TBC1D1: variants seen among roughly 807,000 people sequenced by gnomAD.
The protein encoded by TBC1D1 is TBC1 domain family member 1, also known as TBC1 (tre-2/USP6, BUB2, cdc16) domain family, member 1.
In TBC1D1, 89 loss-of-function variants were observed where a neutral mutation model predicts 125.6. The observed-to-expected ratio is 0.71, with a 90% CI of 0.60 to 0.85. TBC1D1 has a LOEUF of 0.85. Among genes scored for constraint, TBC1D1 ranks in the 40% least tolerant of loss-of-function variants. The pLI is 0.00. For missense variants in TBC1D1, 1,377 were observed against 1,469.2 expected (o/e 0.94, Z 1.03); for synonymous variants, 565 against 564.1 (o/e 1.00, Z -0.02).
At chr4:38,105,660 A>G (rs1761174921) in intron 15 of TBC1D1, among the ~76,000 whole-genome samples, 1 of 152,152 alleles carries the variant, frequency 6.6e-6, no homozygotes, top group Non-Finnish European at 1.5e-5. Context: ...CCCAGTGTTC[A>G]GCTCTCATTT....
chr4:38,108,457 A>C (rs549955824), intron 15 of TBC1D1, among the ~76,000 whole-genome samples: 6 of 152,240 alleles, frequency 3.9e-5, no homozygotes, highest in Non-Finnish European at 7.3e-5. Context: ...CTATAGTTTT[A>C]TTAATCTGCA....
intron 11 of TBC1D1, chr4:38,051,960 C>G: frequency 6.4e-7 from 1 of 1,550,764 alleles, no homozygotes; most frequent in Non-Finnish European, 8.7e-7. Flanking sequence ...AGCTCCTGCT[C>G]CTCCACCTCG....
At chr4:38,000,747 A>C (rs1285682417) in intron 2 of TBC1D1, among the ~76,000 whole-genome samples, 5 of 152,088 alleles carry the variant, frequency 3.3e-5, no homozygotes, top group African/African-American at 1.2e-4. Context: ...GACACTAACA[A>C]CCTGAAGTTA....
chr4:38,108,001 A>G (rs900972601), intron 15 of TBC1D1, among the ~76,000 whole-genome samples: 1 of 152,226 alleles, frequency 6.6e-6, no homozygotes, highest in African/African-American at 2.4e-5. Flanking sequence ...TCAGCTTAGC[A>G]GATGGTACTC....
chr4:38,117,961 G>T lies in TBC1D1; in HGVS notation c.2803-72G>T, dbSNP rs1763242465. On this transcript the variant is annotated intron_variant, in intron 16 of 19. Transcript: ENST00000261439. ...GTAAGTCTTCTCTTACACCCACCCT[G>T]TGAGCAGTAGGCATAACTTTATTGC... The T allele has an allele frequency of 5.0e-6, 7 of 1,406,700 alleles. No homozygotes were observed. Among genetic ancestry groups the T allele is most frequent in the Non-Finnish European group, 6.0e-6 (6 of 1,006,954 alleles). The allele number at this position is 1,406,700 out of a possible 1,614,324, so 87.1% of individuals were successfully genotyped here.
intron 11 of TBC1D1, among the ~76,000 whole-genome samples, chr4:38,053,674 T>C (rs1311079871): frequency 6.6e-6 from 1 of 152,288 alleles, no homozygotes; most frequent in Non-Finnish European, 1.5e-5. Flanking sequence ...AACTGTATTT[T>C]GTAGTTTAAA....
At chr4:38,077,950 G>C (rs556490803) in intron 12 of TBC1D1, among the ~76,000 whole-genome samples, 2 of 152,252 alleles carry the variant, frequency 1.3e-5, no homozygotes, top group African/African-American at 2.4e-5. Context: ...GTGTTGACAA[G>C]GAAGAAGTCT....
At chr4:37,924,837 G>A in intron 2 of TBC1D1, among the ~76,000 whole-genome samples, 1 of 152,202 alleles carries the variant, frequency 6.6e-6, no homozygotes, top group African/African-American at 2.4e-5. Flanking sequence ...GTGAACATGG[G>A]TGTACAAATA....
At chr4:38,000,205 C>T (rs1738732607) in intron 2 of TBC1D1, among the ~76,000 whole-genome samples, 2 of 152,160 alleles carry the variant, frequency 1.3e-5, no homozygotes, top group Non-Finnish European at 2.9e-5. Context: ...CAAGACATGA[C>T]TCGTGGTGGT....
intron 2 of TBC1D1, among the ~76,000 whole-genome samples, chr4:37,907,121 G>T (rs1204088949): frequency 1.3e-5 from 2 of 152,068 alleles, no homozygotes; most frequent in African/African-American, 4.8e-5. Context: ...AAGATAACTG[G>T]ATTCTCATAG....
At chr4:37,906,115 G>A (rs529454834) in intron 2 of TBC1D1, among the ~76,000 whole-genome samples, 44 of 152,086 alleles carry the variant, frequency 2.9e-4, no homozygotes, top group Non-Finnish European at 4.9e-4. Flanking sequence ...GCTGCTGCAG[G>A]CTTCATCTTC....
chr4:38,047,769 G>A (rs1184881625), intron 10 of TBC1D1, among the ~76,000 whole-genome samples: 3 of 152,172 alleles, frequency 2.0e-5, no homozygotes, highest in Non-Finnish European at 2.9e-5. Context: ...GAAAAGGTGA[G>A]GGGTGAGGGG....
At position 37,995,932 on chromosome 4, in the gene TBC1D1, G is replaced by A. The variant is rs1578198906; in HGVS notation, c.418-18577G>A. Reference sequence around the variant, plus strand: ...GACAGGACCTTCTCATTCCCAGGGAGAAATCCACACTCAAGGACTTCTTTC... The same window carrying A: ...GACAGGACCTTCTCATTCCCAGGGAAAAATCCACACTCAAGGACTTCTTTC... On this transcript the variant is annotated intron_variant, in intron 2 of 19. Coordinates refer to ENST00000261439, the MANE Select transcript of TBC1D1 (RefSeq NM_015173.4). The surrounding 1 kb of genome is among the most constrained non-coding windows in gnomAD (Gnocchi z 4.3). 6.9e-6 allele frequency: 4 copies of A among 579,128 alleles called. No individual in the cohort carries two copies. The East Asian group carries it at 2.0e-4, about 28-fold the overall frequency. 35.9% of individuals were successfully genotyped at this position (579,128 alleles called of 1,614,324 possible). A position where few individuals can be genotyped will look rare whatever the true frequency, so the allele number is the denominator to read the frequency against.
At chr4:38,054,115 T>C in intron 11 of TBC1D1, 84 bp from the exon 14 acceptor site, 1 of 1,396,088 alleles carries the variant, frequency 7.2e-7, no homozygotes, top group Non-Finnish European at 1.0e-6. Context: ...GATAATTTAG[T>C]GATTTGTTTA....
At chr4:38,115,299 G>A (rs1160318702) in intron 15 of TBC1D1, among the ~76,000 whole-genome samples, 2 of 151,834 alleles carry the variant, frequency 1.3e-5, no homozygotes, top group South Asian at 2.1e-4. Context: ...ATGGGGTTTC[G>A]CCATGTTGGG....
At chr4:38,012,714 G>A (rs944003532) in intron 2 of TBC1D1, among the ~76,000 whole-genome samples, 10 of 152,148 alleles carry the variant, frequency 6.6e-5, no homozygotes, top group African/African-American at 2.4e-4. Flanking sequence ...TCTGTATGAT[G>A]TATGATTATT....
At chr4:38,079,111 G>A (rs1194391986) in intron 12 of TBC1D1, among the ~76,000 whole-genome samples, 1 of 152,104 alleles carries the variant, frequency 6.6e-6, no homozygotes, top group African/African-American at 2.4e-5. Context: ...CCACGGTGGA[G>A]GGGTTGAAAG....
chr4:37,932,789 G>T (rs1007279584), intron 2 of TBC1D1, among the ~76,000 whole-genome samples: 2 of 152,186 alleles, frequency 1.3e-5, no homozygotes, highest in Admixed American at 1.3e-4. Context: ...TGGGCGCGGT[G>T]CCTCACGCCT....
Position 38,090,119 on chromosome 4 carries a change from T to C in TBC1D1, c.2236+2T>C. The stretch of plus-strand genomic sequence containing the variant: ...AGAAGGAAAATCAGAAGCTCCAAGG[T>C]TGGTTTGCCATCTTGATATTGAACA... On this transcript the variant is annotated splice_donor_variant, in intron 13 of 19. Transcript: ENST00000261439. LOFTEE classifies it high-confidence loss of function. 1 of 1,613,982 alleles carries C rather than the reference T, an allele frequency of 6.2e-7. No individual in the cohort carries two copies. The highest frequency in any genetic ancestry group is 8.5e-7 in the Non-Finnish European group (1 of 1,179,920).
Sources: gnomAD v4.1 joint callset for allele counts (sites outside exome capture counted in the v4.1 genomes callset) on GRCh38, gnomAD v4.1.1 for gene constraint, Gnocchi (gnomAD v3.1) non-coding constraint, MANE v1.5 for transcripts, NCBI Gene and HGNC (gene_info 2026-07-23, HGNC 2026-07-21) for gene names.